The following KCNIP4 variants were observed in gnomAD, a reference collection of about 807,000 sequenced individuals.
KCNIP4 encodes Kv channel-interacting protein 4.
In KCNIP4, 12 loss-of-function variants were observed where a neutral mutation model predicts 34.0. That is an observed-to-expected ratio of 0.35 (90% confidence interval 0.23 to 0.57). KCNIP4 has a LOEUF of 0.57. Ranked by LOEUF, KCNIP4 falls within the 20% of genes least tolerant of loss-of-function variation. KCNIP4 has a pLI of 0.83. For synonymous variants in KCNIP4, 124 were observed against 102.2 expected, an observed-to-expected ratio of 1.21 and a Z score of -1.29; for missense variants, 238 against 311.7, an observed-to-expected ratio of 0.76 and a Z score of 1.78.
intron 1 of KCNIP4, among the ~76,000 whole-genome samples, chr4:21,765,393 T>C (rs1341271163): frequency 1.3e-5 from 2 of 151,964 alleles, no homozygotes; most frequent in East Asian, 1.9e-4. Context: ...TAAATGACTG[T>C]GTGTGTGAGC....
At chr4:20,923,367 C>T (rs1729591259) in intron 1 of KCNIP4, among the ~76,000 whole-genome samples, 2 of 152,130 alleles carry the variant, frequency 1.3e-5, no homozygotes, top group African/African-American at 4.8e-5. Flanking sequence ...CACACCATTC[C>T]TAACATTTTC....
chr4:21,444,363 G>T (rs1278431524), intron 1 of KCNIP4, among the ~76,000 whole-genome samples: 2 of 152,176 alleles, frequency 1.3e-5, no homozygotes, highest in Non-Finnish European at 2.9e-5. Context: ...GAACATTGAT[G>T]CAAAAATCCT....
At chr4:21,893,410 C>CA (rs1041381149) in intron 1 of KCNIP4, among the ~76,000 whole-genome samples, 1 of 152,026 alleles carries the variant, frequency 6.6e-6, no homozygotes, top group Non-Finnish European at 1.5e-5. Context: ...TATGTTGTTC[C>CA]AACGATGAGG....
intron 1 of KCNIP4, among the ~76,000 whole-genome samples, chr4:21,319,152 A>G (rs1714112030): frequency 6.6e-6 from 1 of 152,176 alleles, no homozygotes; most frequent in Non-Finnish European, 1.5e-5. Context: ...GGCAAAGGAA[A>G]ATGGAAAAGA....
chr4:20,930,763 C>T (rs1730372663), intron 1 of KCNIP4, among the ~76,000 whole-genome samples: 1 of 150,996 alleles, frequency 6.6e-6, no homozygotes, highest in African/African-American at 2.4e-5. Flanking sequence ...AGGTATACAA[C>T]ATTGCTAATC....
At chr4:20,731,560 A>T (rs1365834866) in intron 8 of KCNIP4, 46 of 985,288 alleles carry the variant, frequency 4.7e-5, no homozygotes, top group East Asian at 1.1e-4. Context: ...GTCCACATAC[A>T]CTAAAACAAT....
intron 1 of KCNIP4, among the ~76,000 whole-genome samples, chr4:21,230,675 G>T (rs1413273953): frequency 6.6e-6 from 1 of 152,124 alleles, no homozygotes; most frequent in African/African-American, 2.4e-5. Flanking sequence ...CTCCATCCAT[G>T]TCCCTGCAAA....
At chr4:20,734,356 A>T (rs1749075886) in intron 6 of KCNIP4, among the ~76,000 whole-genome samples, 1 of 152,150 alleles carries the variant, frequency 6.6e-6, no homozygotes, top group Admixed American at 6.5e-5. Context: ...TTTCTATCTG[A>T]TTCCAACCAT....
At chr4:21,109,306 C>T (rs1416188388) in intron 1 of KCNIP4, among the ~76,000 whole-genome samples, 1 of 152,238 alleles carries the variant, frequency 6.6e-6, no homozygotes, top group Non-Finnish European at 1.5e-5. Context: ...TAGGCAATGG[C>T]AGGCGCCCCT....
chr4:20,735,087 A>G (rs766209713), intron 5 of KCNIP4, among the ~76,000 whole-genome samples: 11 of 152,250 alleles, frequency 7.2e-5, no homozygotes, highest in Non-Finnish European at 1.3e-4. Context: ...AAAAAAATAC[A>G]AGTGCACACA....
At position 21,714,785 on chromosome 4, in the gene KCNIP4, G is replaced by GATGTATTTT. The variant is rs1553923853; in HGVS notation, c.61+233785_61+233786insAAAATACAT. ...AAGAATGTGTTAGTAATTTCCCTTT[G>GATGTATTTT]ATTATTTTATTTTATTTTATTTTAT... On this transcript the variant is annotated intron_variant, in intron 1 of 8. Coordinates refer to ENST00000382152, the MANE Select transcript of KCNIP4 (RefSeq NM_025221.6). Among the ~76,000 whole-genome samples, 87 of 43,372 alleles carry GATGTATTTT rather than the reference G, an allele frequency of 2.0e-3. 23 individuals are homozygous for GATGTATTTT. The highest frequency in any genetic ancestry group is 2.9e-3 in the Non-Finnish European group (80 of 28,004). The allele number at this position is 43,372 out of a possible 152,430, so 28.5% of individuals were successfully genotyped here. A position where few individuals can be genotyped will look rare whatever the true frequency, so the allele number is the denominator to read the frequency against.
chr4:21,371,548 G>A (rs1422401607), intron 1 of KCNIP4, among the ~76,000 whole-genome samples: 1 of 147,006 alleles, frequency 6.8e-6, no homozygotes, highest in Non-Finnish European at 1.5e-5. Flanking sequence ...ATATAATAAA[G>A]ATAATAATAG....
At chr4:21,677,762 T>A (rs913268199) in intron 1 of KCNIP4, among the ~76,000 whole-genome samples, 2 of 152,124 alleles carry the variant, frequency 1.3e-5, no homozygotes, top group Admixed American at 6.5e-5. Flanking sequence ...TATTCTTTTG[T>A]TTTTTGAGAT....
intron 1 of KCNIP4, among the ~76,000 whole-genome samples, chr4:21,758,212 A>T (rs1717798627): frequency 1.3e-5 from 2 of 152,188 alleles, no homozygotes; most frequent in African/African-American, 4.8e-5. Flanking sequence ...GGTACTGGGG[A>T]TACAGAGGTG....
At chr4:21,914,866 T>A (rs532409989) in intron 1 of KCNIP4, among the ~76,000 whole-genome samples, 2 of 152,116 alleles carry the variant, frequency 1.3e-5, no homozygotes, top group South Asian at 4.1e-4. Flanking sequence ...ATTTTTTGAA[T>A]GAATGGATGG....
intron 1 of KCNIP4, among the ~76,000 whole-genome samples, chr4:20,991,290 T>C (rs866756822): frequency 6.6e-6 from 1 of 152,136 alleles, no homozygotes; most frequent in Admixed American, 6.5e-5. Flanking sequence ...GTTAACCTCA[T>C]AGTGAAGTGT....
chr4:21,519,550 ATGTGTGTATGTGTATATATACACAT>A (rs1735208499), intron 1 of KCNIP4, among the ~76,000 whole-genome samples: 1 of 47,210 alleles, frequency 2.1e-5, no homozygotes, highest in Non-Finnish European at 4.8e-5. Context: ...ATATACACAT[ATGTGTGTATGTGTATATATACACAT>A]ATGTGTGTGT....
intron 1 of KCNIP4, among the ~76,000 whole-genome samples, chr4:21,472,318 C>A (rs1730539688): frequency 6.6e-6 from 1 of 151,942 alleles, no homozygotes; most frequent in Non-Finnish European, 1.5e-5. Flanking sequence ...GATGGTAGAG[C>A]AAATAGGGGG....
intron 1 of KCNIP4, among the ~76,000 whole-genome samples, chr4:21,149,403 G>A (rs1235476035): frequency 6.6e-6 from 1 of 152,074 alleles, no homozygotes; most frequent in African/African-American, 2.4e-5. Context: ...ATTTTAAATT[G>A]AATCCTGAGA....
Sources: allele counts gnomAD v4.1 joint callset (sites outside exome capture counted in the v4.1 genomes callset), GRCh38; gene constraint gnomAD v4.1.1; transcripts MANE v1.5; gene names NCBI Gene and HGNC (gene_info 2026-07-23, HGNC 2026-07-21).